The following PDXDC1 variants were observed in gnomAD, a reference collection of about 807,000 sequenced individuals.
PDXDC1 encodes the protein pyridoxal-dependent decarboxylase domain-containing protein 1.
PDXDC1 carries 42 observed loss-of-function variants against 100.1 expected under a neutral mutation model. The observed-to-expected ratio is 0.42, with a 90% confidence interval of 0.33 to 0.54. The LOEUF (loss-of-function observed/expected upper bound fraction) is 0.54. Among genes scored for constraint, PDXDC1 ranks in the 20% least tolerant of loss-of-function variants. The pLI, the probability that PDXDC1 is intolerant of heterozygous loss-of-function variation, is 0.10. For missense variants in PDXDC1, 636 were observed against 979.2 expected (o/e 0.65, Z 4.68); for synonymous variants, 260 against 371.7 (o/e 0.70, Z 3.46).
At chr16:15,081,123 C>A (rs1010160183) in intron 16 of PDXDC1, among the ~76,000 whole-genome samples, 2 of 152,300 alleles carry the variant, frequency 1.3e-5, no homozygotes, top group East Asian at 3.9e-4. Context: ...CATCAGTTGA[C>A]AGACATTTGA....
rs201454296 is a variant in PDXDC1, at chr16:15,034,268, T to C, written c.1813-18T>C. 8.7e-6 allele frequency: 14 copies of C among 1,611,448 alleles called. No individual in the cohort carries two copies. The highest frequency in any genetic ancestry group is 1.2e-5 in the Non-Finnish European group (14 of 1,178,742). ...TGAGAACCTTAAACAAGTAATGTCT[T>C]TCTTGGTCTTGCCACAGCTTCTGGA... On this transcript the variant is annotated intron_variant, in intron 19 of 22. Transcript: ENST00000396410.
intron 1 of PDXDC1, among the ~76,000 whole-genome samples, chr16:14,991,027 C>G (rs1970657556): frequency 6.6e-6 from 1 of 152,292 alleles, no homozygotes; most frequent in South Asian, 2.1e-4. Flanking sequence ...TAGTCGTGAG[C>G]CACTGCGCCC....
intron 16 of PDXDC1, among the ~76,000 whole-genome samples, chr16:15,054,221 A>G (rs1157966356): frequency 1.3e-5 from 2 of 152,088 alleles, no homozygotes; most frequent in Non-Finnish European, 2.9e-5. Flanking sequence ...CTTCACTTAC[A>G]CTGCCGCAAA....
At chr16:15,102,148 G>C (rs998658002) in intron 16 of PDXDC1, among the ~76,000 whole-genome samples, 3 of 151,824 alleles carry the variant, frequency 2.0e-5, no homozygotes, top group African/African-American at 7.3e-5. Flanking sequence ...GCCTGGCCTG[G>C]TGAGCTAATT....
chr16:15,058,856 A>G (rs191751385), intron 16 of PDXDC1, among the ~76,000 whole-genome samples: 1 of 152,262 alleles, frequency 6.6e-6, no homozygotes, highest in African/African-American at 2.4e-5. Context: ...GCTGATCTCA[A>G]ACTCCTGGCT....
chr16:15,151,990 G>A, the PDXDC1 span, among the ~76,000 whole-genome samples: 22 of 147,132 alleles, frequency 1.5e-4, 1 homozygote, highest in East Asian at 3.1e-3. Context: ...GGGCAGGGAG[G>A]GCAGGGCAGG....
the PDXDC1 span, among the ~76,000 whole-genome samples, chr16:15,146,696 T>C: frequency 6.6e-6 from 1 of 152,154 alleles, no homozygotes; most frequent in Non-Finnish European, 1.5e-5. Flanking sequence ...AGGCACAGTG[T>C]CTGGCTCTCA....
chr16:15,079,910 T>C (rs1276114135), intron 16 of PDXDC1: 2 of 1,362,474 alleles, frequency 1.5e-6, no homozygotes, highest in Non-Finnish European at 2.0e-6. Flanking sequence ...TGGATTCTTT[T>C]CTATCACTGA....
intron 7 of PDXDC1, chr16:15,009,464 T>G: frequency 1.1e-6 from 1 of 880,702 alleles, no homozygotes; most frequent in Non-Finnish European, 1.7e-6. Flanking sequence ...TATGTACAGT[T>G]TTTACCTTTA....
intron 16 of PDXDC1, among the ~76,000 whole-genome samples, chr16:15,104,945 TAAAGA>T (rs2046740360): frequency 6.6e-6 from 1 of 151,422 alleles, no homozygotes; most frequent in Non-Finnish European, 1.5e-5. Flanking sequence ...AGCTGGGGGG[TAAAGA>T]AAAGTCACTG....
At chr16:15,074,614 G>C (rs2045373907) in intron 16 of PDXDC1, 3 of 763,214 alleles carry the variant, frequency 3.9e-6, no homozygotes, top group Non-Finnish European at 6.0e-6. Flanking sequence ...ATACTCAATA[G>C]ATATTTTTAC....
At chr16:15,041,128 A>C (rs1289012273), downstream of PDXDC1, 36 of 1,512,514 alleles carry the variant, frequency 2.4e-5, no homozygotes, top group Non-Finnish European at 3.0e-5. Context: ...AATTCTACAA[A>C]ATAAGAATGT....
intron 16 of PDXDC1, among the ~76,000 whole-genome samples, chr16:15,092,926 C>A (rs2046195115): frequency 6.6e-6 from 1 of 152,198 alleles, no homozygotes; most frequent in Admixed American, 6.5e-5. Flanking sequence ...CTTTTCTGCT[C>A]TTCAAACAAG....
chr16:15,038,347 G>A (rs1177220619), downstream of PDXDC1: 11 of 631,898 alleles, frequency 1.7e-5, no homozygotes, highest in African/African-American at 1.2e-4. Context: ...GCCTGAATTA[G>A]TAAGAAAAAA....
intron 1 of PDXDC1, among the ~76,000 whole-genome samples, chr16:14,984,495 A>ATATATT (rs1555542734): frequency 2.2e-3 from 158 of 73,422 alleles, no homozygotes; most frequent in East Asian, 3.3e-3. Context: ...ATATATATAT[A>ATATATT]TTTTTTTTTT....
chr16:15,097,843 C>A (rs921425818), intron 16 of PDXDC1, among the ~76,000 whole-genome samples: 1 of 151,832 alleles, frequency 6.6e-6, no homozygotes, highest in African/African-American at 2.4e-5. Context: ...TATTTATACT[C>A]CTAAACAATG....
intron 16 of PDXDC1, among the ~76,000 whole-genome samples, chr16:15,090,952 T>A (rs972536007): frequency 2.0e-5 from 3 of 149,360 alleles, no homozygotes; most frequent in African/African-American, 7.4e-5. Context: ...GAGGTAGTAA[T>A]CTAATAGAAA....
intron 1 of PDXDC1, among the ~76,000 whole-genome samples, chr16:14,987,497 A>G (rs1391576624): frequency 6.6e-6 from 1 of 152,304 alleles, no homozygotes; most frequent in Non-Finnish European, 1.5e-5. Context: ...TAGTAATTAT[A>G]AGGATCATAA....
chr16:15,014,344 C>A (rs757027807), intron 8 of PDXDC1, among the ~76,000 whole-genome samples: 1 of 152,292 alleles, frequency 6.6e-6, no homozygotes. Flanking sequence ...ACTGGAGGGG[C>A]TGCAGTTTGC....
Sources: allele counts gnomAD v4.1 joint callset (sites outside exome capture counted in the v4.1 genomes callset), GRCh38; gene constraint gnomAD v4.1.1; transcripts MANE v1.5; gene names NCBI Gene and HGNC (gene_info 2026-07-23, HGNC 2026-07-21).